Variants in ELP4 observed in about 807,000 individuals in gnomAD.
The protein encoded by ELP4 is elongator complex protein 4.
In ELP4, 51 loss-of-function variants were observed where a neutral mutation model predicts 48.9. The ratio of observed to expected loss-of-function variants is 1.04; its 90% CI spans 0.83 to 1.32. The LOEUF (loss-of-function observed/expected upper bound fraction) is 1.32. Among genes scored for constraint, ELP4 ranks in the 40% most tolerant of loss-of-function variants. The probability of loss-of-function intolerance (pLI) is 0.00; values close to 1 mark genes in which losing one functional copy is unlikely to be tolerated. For missense variants in ELP4, 519 were observed against 514.6 expected (o/e 1.01, Z -0.08); for synonymous variants, 210 against 189.2 (o/e 1.11, Z -0.90).
chr11:31,552,603 C>A (rs934007821), intron 3 of ELP4, among the ~76,000 whole-genome samples: 1 of 152,230 alleles, frequency 6.6e-6, no homozygotes, highest in African/African-American at 2.4e-5. Flanking sequence ...ATCTCCTATA[C>A]TCTCCTTCAA....
chr11:31,554,951 T>G (rs1274480808), intron 3 of ELP4, among the ~76,000 whole-genome samples: 1 of 152,166 alleles, frequency 6.6e-6, no homozygotes, highest in Non-Finnish European at 1.5e-5. Flanking sequence ...AACCGTAAAG[T>G]TGAATGTGTG....
intron 3 of ELP4, among the ~76,000 whole-genome samples, chr11:31,571,583 C>G (rs944847267): frequency 6.6e-6 from 1 of 152,186 alleles, no homozygotes; most frequent in African/African-American, 2.4e-5. Context: ...TTTCAATTTA[C>G]TTTGCCCATA....
chr11:31,754,906 C>T (rs1305857201), intron 9 of ELP4, among the ~76,000 whole-genome samples: 1 of 152,094 alleles, frequency 6.6e-6, no homozygotes, highest in Non-Finnish European at 1.5e-5. Flanking sequence ...AAAGCAATGA[C>T]ACCCCCATAA....
At chr11:31,750,606 T>C (rs891062632) in intron 9 of ELP4, among the ~76,000 whole-genome samples, 5 of 152,158 alleles carry the variant, frequency 3.3e-5, no homozygotes, top group African/African-American at 4.8e-5. Flanking sequence ...GATGTTTTCT[T>C]CCATAAAAAG....
At chr11:31,730,867 TG>T (rs1947170759) in intron 9 of ELP4, among the ~76,000 whole-genome samples, 1 of 152,036 alleles carries the variant, frequency 6.6e-6, no homozygotes, top group African/African-American at 2.4e-5. Flanking sequence ...TCTAGATTCC[TG>T]GGGGTCACTG....
At chr11:31,781,608 C>T (rs960339267) in intron 9 of ELP4, among the ~76,000 whole-genome samples, 3 of 144,796 alleles carry the variant, frequency 2.1e-5, no homozygotes, top group African/African-American at 7.6e-5. Context: ...AAGCAATTCT[C>T]CTGCCTCAGC....
chr11:31,740,637 C>T (rs902782065), intron 9 of ELP4, among the ~76,000 whole-genome samples: 1 of 152,098 alleles, frequency 6.6e-6, no homozygotes, highest in African/African-American at 2.4e-5. Context: ...ATGAGTATTG[C>T]TTTAGTTTAT....
chr11:31,653,695 T>C (rs1945370566), intron 9 of ELP4: 2 of 151,692 alleles, frequency 1.3e-5, no homozygotes, highest in South Asian at 4.1e-4. Flanking sequence ...CTTTTAAAAA[T>C]AGTGCAAATA....
chr11:31,747,163 A>G (rs1246440339), intron 9 of ELP4, among the ~76,000 whole-genome samples: 1 of 152,170 alleles, frequency 6.6e-6, no homozygotes, highest in African/African-American at 2.4e-5. Flanking sequence ...CTTACAGTCA[A>G]ATAGGGGAAG....
intron 3 of ELP4, among the ~76,000 whole-genome samples, chr11:31,566,129 G>A (rs970094601): frequency 4.6e-5 from 7 of 152,168 alleles, no homozygotes; most frequent in East Asian, 1.9e-4. Context: ...TGATCAAGGC[G>A]GTTAGATTGC....
chr11:31,592,690 G>A (rs954521469), intron 3 of ELP4, among the ~76,000 whole-genome samples: 2 of 151,246 alleles, frequency 1.3e-5, no homozygotes, highest in Non-Finnish European at 2.9e-5. Flanking sequence ...TATTAAACTT[G>A]GAATCATTAT....
At chr11:31,530,538 A>G (rs973240059) in intron 2 of ELP4, among the ~76,000 whole-genome samples, 2 of 152,100 alleles carry the variant, frequency 1.3e-5, no homozygotes, top group African/African-American at 4.8e-5. Context: ...AACAAATTAG[A>G]CAATTATAAA....
At chr11:31,714,008 G>A (rs1419275899) in intron 9 of ELP4, among the ~76,000 whole-genome samples, 1 of 152,092 alleles carries the variant, frequency 6.6e-6, no homozygotes, top group East Asian at 1.9e-4. Flanking sequence ...ACAGAGAAGA[G>A]AAAGAATGCC....
chr11:31,598,966 A>G (rs895791847), intron 4 of ELP4: 1 of 152,194 alleles, frequency 6.6e-6, no homozygotes, highest in Non-Finnish European at 1.5e-5. Context: ...TGTAAATGAG[A>G]TAAAACCACT....
At chr11:31,706,616 A>G (rs868018892) in intron 9 of ELP4, among the ~76,000 whole-genome samples, 2 of 148,242 alleles carry the variant, frequency 1.3e-5, no homozygotes, top group Non-Finnish European at 3.0e-5. Context: ...TTATATATTT[A>G]TATATTTAAT....
In ELP4 at chr11:31,774,937, G is replaced by A. The variant is rs757430368; in HGVS notation, c.1144-8456G>A. ...ACTCTTCTGGTGGCCAGATGGTGTC[G>A]AGAGAGCCTGTACCCATTCTGTCTT... is the stretch of plus-strand genomic sequence containing the variant. On this transcript the variant is annotated intron_variant, in intron 9 of 9. Transcript: ENST00000640961. 5.2e-4 allele frequency among the ~76,000 whole-genome samples: 79 copies of A among 152,264 alleles called. 1 individual carries two copies. Among genetic ancestry groups the A allele is most frequent in the Non-Finnish European group, 8.1e-4 (55 of 68,014 alleles).
intron 9 of ELP4, among the ~76,000 whole-genome samples, chr11:31,702,874 T>C (rs1026634442): frequency 6.6e-6 from 1 of 152,200 alleles, no homozygotes; most frequent in African/African-American, 2.4e-5. Flanking sequence ...GGTTGTTAGA[T>C]GGACCAGTTA....
chr11:31,732,846 A>G (rs1947221930), intron 9 of ELP4, among the ~76,000 whole-genome samples: 1 of 152,226 alleles, frequency 6.6e-6, no homozygotes, highest in Non-Finnish European at 1.5e-5. Flanking sequence ...TAAGAGGGAT[A>G]ATTCACCAGG....
At chr11:31,654,292 C>T (rs371287772) in intron 9 of ELP4, 12 of 151,576 alleles carry the variant, frequency 7.9e-5, no homozygotes, top group African/African-American at 2.4e-4. Flanking sequence ...ATATTTACTA[C>T]GAATTTTCAA....
Sources: allele counts gnomAD v4.1 joint callset (sites outside exome capture counted in the v4.1 genomes callset), GRCh38; gene constraint gnomAD v4.1.1; transcripts MANE v1.5; gene names NCBI Gene and HGNC (gene_info 2026-07-23, HGNC 2026-07-21).